The following ANKRD11 variants were observed in gnomAD, a reference collection of about 807,000 sequenced individuals.
ANKRD11 encodes ankyrin repeat domain 11.
A neutral mutation model predicts 195.7 loss-of-function variants in ANKRD11; 17 were observed. The ratio of observed to expected loss-of-function variants is 0.09; its 90% confidence interval spans 0.06 to 0.13. ANKRD11 has a LOEUF of 0.13. Among genes scored for constraint, ANKRD11 ranks in the 10% least tolerant of loss-of-function variants. ANKRD11 has a pLI of 1.00. For synonymous variants in ANKRD11, 1,953 were observed against 1,528.1 expected (o/e 1.28, Z -6.49); for missense variants, 3,735 against 3,566.1 (o/e 1.05, Z -1.21).
At position 89,283,641 on chromosome 16, in the gene ANKRD11, C is replaced by A. The variant is rs1056256601; in HGVS notation, c.2901G>T (p.Lys967Asn). 1.9e-6 allele frequency: 3 copies of A among 1,610,894 alleles called. No homozygotes were observed. The highest frequency in any genetic ancestry group is 2.2e-5 in the East Asian group (1 of 44,900). Residue 967 changes from lysine to asparagine, a missense_variant, in exon 9 of 13, where the codon AAG becomes AAT. Transcript: ENST00000301030. The surrounding 1 kb of genome is among the most constrained non-coding windows in gnomAD (Gnocchi z 4.3). ...SCKERRDGRA[K>N]PEEAHREELK... ...GCTCCTCCCGGTGCGCCTCCTCGGG[C>A]TTGGCCCTGCCGTCCCTGCGCTCCT... is the stretch of plus-strand genomic sequence containing the variant.
intron 2 of ANKRD11, among the ~76,000 whole-genome samples, chr16:89,328,140 A>G (rs373011980): frequency 9.4e-6 from 1 of 106,412 alleles, no homozygotes; most frequent in East Asian, 2.8e-4. Flanking sequence ...ACACAACTTA[A>G]AGCCGCAATG....
At chr16:89,318,260 G>C (rs1371688371) in intron 2 of ANKRD11, among the ~76,000 whole-genome samples, 1 of 152,206 alleles carries the variant, frequency 6.6e-6, no homozygotes, top group Non-Finnish European at 1.5e-5. Context: ...CTCCCTGCCT[G>C]TGGGCCTTCT....
At chr16:89,415,090 C>T (rs2042240799) in intron 2 of ANKRD11, among the ~76,000 whole-genome samples, 1 of 151,858 alleles carries the variant, frequency 6.6e-6, no homozygotes, top group Non-Finnish European at 1.5e-5. Flanking sequence ...GCTGAGACCA[C>T]AGGCGCATGC....
At position 89,290,827 on chromosome 16, in the gene ANKRD11, C is replaced by T; in HGVS notation, c.399G>A (p.Val133=). ...MTAEESANSP[V]DTTPKHPSQS... is the part of the protein sequence containing the mutation. ...GGGAGGGGTGCTTTGGTGTTGTGTC[C>T]ACTGCAGGCCAAGGAGGGGACAGAT... The change falls in exon 6 of 13, where the codon GTG becomes GTA. Residue 133 remains valine (V), a splice_region_variant and synonymous_variant. Transcript: ENST00000301030. 1 of 1,613,504 alleles carries T rather than the reference C, an allele frequency of 6.2e-7. No individual in the cohort carries two copies. Among genetic ancestry groups the T allele is most frequent in the Non-Finnish European group, 8.5e-7 (1 of 1,179,996 alleles).
intron 1 of ANKRD11, among the ~76,000 whole-genome samples, chr16:89,449,432 C>G (rs891391036): frequency 4.6e-5 from 7 of 152,024 alleles, no homozygotes; most frequent in Admixed American, 1.3e-4. Context: ...ACCAGGATCT[C>G]TGGAAATGCG....
At chr16:89,353,095 G>A (rs1246104081) in intron 2 of ANKRD11, among the ~76,000 whole-genome samples, 1 of 152,206 alleles carries the variant, frequency 6.6e-6, no homozygotes, top group Non-Finnish European at 1.5e-5. Context: ...ATTAATCCCA[G>A]CACTTTGGGA....
chr16:89,407,676 CACACACACATAG>C (rs925360488), intron 2 of ANKRD11, among the ~76,000 whole-genome samples: 7 of 151,960 alleles, frequency 4.6e-5, no homozygotes, highest in African/African-American at 1.7e-4. Context: ...CATACACACA[CACACACACATAG>C]ACACACACAG....
chr16:89,320,748 C>T (rs895926391), intron 2 of ANKRD11, among the ~76,000 whole-genome samples: 7 of 152,256 alleles, frequency 4.6e-5, no homozygotes, highest in African/African-American at 1.7e-4. Context: ...AGACACAACT[C>T]AGCCCAGCGG....
intron 3 of ANKRD11, chr16:89,313,550 C>A: frequency 7.8e-7 from 1 of 1,289,192 alleles, no homozygotes; most frequent in Non-Finnish European, 1.0e-6. Flanking sequence ...TTCCATCTTC[C>A]ACGTATATGT....
chr16:89,385,111 C>A (rs1213690234), intron 2 of ANKRD11, among the ~76,000 whole-genome samples: 1 of 151,878 alleles, frequency 6.6e-6, no homozygotes, highest in East Asian at 1.9e-4. Context: ...GTCTTGAACT[C>A]TTGACCTCAG....
chr16:89,411,372 G>A (rs2042105333), intron 2 of ANKRD11, among the ~76,000 whole-genome samples: 1 of 152,252 alleles, frequency 6.6e-6, no homozygotes, highest in Non-Finnish European at 1.5e-5. Context: ...GGCTGCCCTG[G>A]CTGGGCCAGA....
At chr16:89,415,069 C>G (rs2042240111) in intron 2 of ANKRD11, among the ~76,000 whole-genome samples, 1 of 151,904 alleles carries the variant, frequency 6.6e-6, no homozygotes, top group Non-Finnish European at 1.5e-5. Flanking sequence ...CCCGCTCAGC[C>G]TCCCCAAGTA....
intron 11 of ANKRD11, among the ~76,000 whole-genome samples, chr16:89,273,565 C>T (rs1254220700): frequency 2.0e-5 from 3 of 151,988 alleles, no homozygotes; most frequent in Admixed American, 6.6e-5. Context: ...GGCATGGTAG[C>T]GCATGCCTGT....
rs778263395 is a variant in ANKRD11 at position 89,280,900 on chromosome 16, C to T, written c.5642G>A (p.Gly1881Asp). The T allele has an allele frequency of 3.7e-6, 6 of 1,602,828 alleles. No homozygotes were observed. The highest frequency in any genetic ancestry group is 5.1e-6 in the Non-Finnish European group (6 of 1,172,192). Reference protein sequence around the residue: ...AVVTVTPSPEGVFSSLQAKPS... With the variant: ...AVVTVTPSPEDVFSSLQAKPS... Reference sequence around the variant, plus strand: ...TTTTGCTTGTAAACTTGAGAAGACGCCCTCTGGAGACGGGGTGACAGTGAC... The same window carrying T: ...TTTTGCTTGTAAACTTGAGAAGACGTCCTCTGGAGACGGGGTGACAGTGAC... The change falls in exon 9 of 13, where the codon GGC (glycine) becomes GAC (aspartate). Residue 1881 changes from glycine to aspartate, a missense_variant. By Grantham distance (94) the Gly-to-Asp change is moderately conservative. Coordinates refer to ENST00000301030, the MANE Select transcript of ANKRD11 (RefSeq NM_013275.6).
rs2037005327 is a variant in ANKRD11 at position 89,317,096 on chromosome 16, C to T, written c.-59-18G>A. ...ACCGTCTGCTTCAAAAGAGAAGACA[C>T]ACAATTCACTGAATTCAGAGGCAGC... On this transcript the variant is annotated intron_variant, in intron 2 of 12. Transcript: ENST00000301030. The T allele has an allele frequency of 5.5e-6, 8 of 1,465,382 alleles. No homozygotes were observed. Among genetic ancestry groups the T allele is most frequent in the African/African-American group, 1.4e-5 (1 of 71,692 alleles). The allele number at this position is 1,465,382 out of a possible 1,614,324, so 90.8% of individuals were successfully genotyped here.
chr16:89,306,729 C>T (rs2036285847), intron 3 of ANKRD11, among the ~76,000 whole-genome samples: 1 of 12,720 alleles, frequency 7.9e-5, no homozygotes, highest in Non-Finnish European at 1.4e-4. Context: ...CACGCGCCAC[C>T]CACCTCCCAC....
At chr16:89,406,554 C>T (rs920250290) in intron 2 of ANKRD11, among the ~76,000 whole-genome samples, 2 of 152,254 alleles carry the variant, frequency 1.3e-5, no homozygotes, top group Admixed American at 6.5e-5. Context: ...GAGGCTGCAG[C>T]GAGGAAGACA....
chr16:89,323,438 TGAGCCGAGGGCAGGGGGGCA>T (rs751505478), intron 2 of ANKRD11: 21,452 of 456,538 alleles, frequency 0.047, 4,814 homozygotes, highest in African/African-American at 0.089. Context: ...GCAGGGGGGC[TGAGCCGAGGGCAGGGGGGCA>T]GAGCCGAGGG....
At chr16:89,483,992 C>T (rs919992806) in intron 1 of ANKRD11, among the ~76,000 whole-genome samples, 12 of 152,108 alleles carry the variant, frequency 7.9e-5, no homozygotes, top group Admixed American at 7.9e-4. Context: ...TCCACAAAGT[C>T]TAAAAATTCC....
Sources: allele counts gnomAD v4.1 joint callset (sites outside exome capture counted in the v4.1 genomes callset), GRCh38; gene constraint gnomAD v4.1.1; non-coding constraint Gnocchi (gnomAD v3.1); transcripts MANE v1.5; gene names NCBI Gene and HGNC (gene_info 2026-07-23, HGNC 2026-07-21).